RFX7: variants seen among roughly 807,000 people sequenced by gnomAD.
RFX7 encodes regulatory factor X7, also known as DNA-binding protein RFX7.
In RFX7, 26 loss-of-function variants were observed where a neutral mutation model predicts 111.8. That is an observed-to-expected ratio of 0.23 (90% CI 0.17 to 0.32). The LOEUF is 0.32. Ranked by LOEUF, RFX7 falls within the 10% of genes least tolerant of loss-of-function variation. RFX7 has a pLI of 1.00. For synonymous variants in RFX7, 624 were observed against 624.4 expected (o/e 1.00, Z 0.01); for missense variants, 1,573 against 1,772.9 (o/e 0.89, Z 2.02).
chr15:56,111,661 C>CAAAAAAAAAAAAAAAAAAAAAACCAA (rs371681721), intron 5 of RFX7, among the ~76,000 whole-genome samples: 1 of 95,576 alleles, frequency 1.0e-5, no homozygotes, highest in Non-Finnish European at 2.0e-5. Context: ...ATAAATAAAC[C>CAAAAAAAAAAAAAAAAAAAAAACCAA]AAAAAAAAAA....
rs11637789 is a variant in RFX7 at position 56,179,251 on chromosome 15, T to G, written c.195+19A>C. On this transcript the variant is annotated intron_variant, in intron 3 of 9. Transcript: ENST00000559447. ...AAACCTTATTGCAAAAGGATTTTAATATTAGTTATTTCACTTACCAAAATG... is the reference window on the plus strand; with the variant it reads ...AAACCTTATTGCAAAAGGATTTTAAGATTAGTTATTTCACTTACCAAAATG... 0.22 allele frequency: 258,228 copies of G among 1,196,338 alleles called. 29,734 individuals carry two copies. Among genetic ancestry groups the G allele is most frequent in the East Asian group, 0.43 (8,365 of 19,240 alleles). 74.1% of individuals were successfully genotyped at this position (1,196,338 alleles called of 1,614,324 possible).
rs2041613429 is a variant in RFX7 at position 56,092,784 on chromosome 15, C to T, written c.*561G>A. On this transcript the variant is annotated 3_prime_UTR_variant, in exon 10 of 10. Coordinates refer to ENST00000559447, the MANE Select transcript of RFX7 (RefSeq NM_022841.7). ...AATTTTCCATTATTTTCTATTTAAG[C>T]CCTTCATCGTGGGTGTAAATGGTAC... 6.6e-6 allele frequency: 1 copy of T among 152,466 alleles called. No homozygotes were observed. The highest frequency in any genetic ancestry group is 2.4e-5 in the African/African-American group (1 of 41,376). 9.4% of individuals were successfully genotyped at this position (152,466 alleles called of 1,614,324 possible).
intron 2 of RFX7, among the ~76,000 whole-genome samples, chr15:56,234,622 G>A (rs2043602782): frequency 6.6e-6 from 1 of 152,144 alleles, no homozygotes; most frequent in Admixed American, 6.5e-5. Flanking sequence ...CAGGTTCCCA[G>A]AAGCACCAAC....
At chr15:56,200,715 C>G (rs1474142143) in intron 2 of RFX7, among the ~76,000 whole-genome samples, 1 of 151,930 alleles carries the variant, frequency 6.6e-6, no homozygotes, top group Non-Finnish European at 1.5e-5. Flanking sequence ...AGGAGAAATG[C>G]TTGAATGAGG....
intron 2 of RFX7, among the ~76,000 whole-genome samples, chr15:56,190,795 T>C (rs1190704522): frequency 1.3e-5 from 2 of 151,758 alleles, no homozygotes; most frequent in Non-Finnish European, 2.9e-5. Context: ...TGGAAAAAAC[T>C]CTCTAATATG....
chr15:56,243,041 C>CG, intron 2 of RFX7, 84 bp downstream of exon 2: 12 of 596,586 alleles, frequency 2.0e-5, no homozygotes, highest in Non-Finnish European at 2.9e-5. Context: ...TCCTCCTCCG[C>CG]TCCCCCCGCC....
chr15:56,105,835 A>C (rs1156442166), intron 5 of RFX7, among the ~76,000 whole-genome samples: 1 of 152,190 alleles, frequency 6.6e-6, no homozygotes, highest in Non-Finnish European at 1.5e-5. Context: ...GAATGAAGGA[A>C]AGGCTCATGT....
At position 56,087,367 on chromosome 15, in the gene RFX7, C is replaced by G. The variant is rs2041540091; in HGVS notation, c.*5978G>C. 1 of 454,804 alleles carries G rather than the reference C, an allele frequency of 2.2e-6. No individual in the cohort carries two copies. The highest frequency in any genetic ancestry group is 2.4e-5 in the Admixed American group (1 of 42,498). 28.2% of individuals were successfully genotyped at this position (454,804 alleles called of 1,614,324 possible). A position where few individuals can be genotyped will look rare whatever the true frequency, so the allele number is the denominator to read the frequency against. ...CAGGACTAGTTGGGCATCTTCCCTT[C>G]CAAAGTCATCATGCCCTGGGCTCCT... is the stretch of plus-strand genomic sequence containing the variant. On this transcript the variant is annotated 3_prime_UTR_variant, in exon 10 of 10. Coordinates refer to ENST00000559447, the MANE Select transcript of RFX7 (RefSeq NM_022841.7).
rs924673778 is a variant in RFX7 at position 56,102,219 on chromosome 15, C to T, written c.553G>A (p.Val185Ile). 6.2e-7 allele frequency: 1 copy of T among 1,612,594 alleles called. No individual in the cohort carries two copies. Among genetic ancestry groups the T allele is most frequent in the African/African-American group, 1.3e-5 (1 of 74,974 alleles). Residue 185 changes from valine to isoleucine, a missense_variant, in exon 7 of 10, where the codon GTT becomes ATT. Around this residue, in one of 7 missense-constraint regions of RFX7, gnomAD observed 288 missense variants for 337.9 expected, o/e 0.85. Coordinates refer to ENST00000559447, the MANE Select transcript of RFX7 (RefSeq NM_022841.7). Reference protein sequence around the residue: ...CYSGLRKKAFVHMPTLPNLDF... With the variant: ...CYSGLRKKAFIHMPTLPNLDF... ...AGGTTGGGCAGTGTTGGCATATGAA[C>T]AAAAGCTTTTTTTCTTAGTCCACTG...
rs1206544062 is a variant in RFX7, at chr15:56,090,450, A to G, written c.*2895T>C. On this transcript the variant is annotated 3_prime_UTR_variant, in exon 10 of 10. Transcript: ENST00000559447. ...TTATTCACTCCCTAAAGTTAATGACATCAAAGGAAGAATAACATTGGGTCT... is the reference window on the plus strand; with the variant it reads ...TTATTCACTCCCTAAAGTTAATGACGTCAAAGGAAGAATAACATTGGGTCT... 6.6e-6 allele frequency: 1 copy of G among 152,536 alleles called. No homozygotes were observed. The highest frequency in any genetic ancestry group is 2.4e-5 in the African/African-American group (1 of 41,464). The allele number at this position is 152,536 out of a possible 1,614,324, so 9.4% of individuals were successfully genotyped here.
chr15:56,199,344 T>A (rs2043173208), intron 2 of RFX7, among the ~76,000 whole-genome samples: 1 of 152,184 alleles, frequency 6.6e-6, no homozygotes, highest in Non-Finnish European at 1.5e-5. Context: ...CGTATAGGTA[T>A]CTTTCCTTAC....
chr15:56,094,359 A>G lies in RFX7; in HGVS notation c.3369T>C (p.Pro1123=). 1 of 1,613,986 alleles carries G rather than the reference A, an allele frequency of 6.2e-7. No individual in the cohort carries two copies. The highest frequency in any genetic ancestry group is 1.1e-5 in the South Asian group (1 of 91,070). The part of the protein sequence containing the change: ...HHDTHFGRLT[P]VSPVQHQGAT... ...CACCTTGATGCTGCACAGGAGAGAC[A>G]GGAGTCAAACGACCAAAATGAGTGT... is the stretch of plus-strand genomic sequence containing the variant. Residue 1123 remains proline, a synonymous_variant, in exon 10 of 10, where the codon CCT becomes CCC. Transcript: ENST00000559447.
chr15:56,231,684 A>ACAGTCC (rs2141232124), intron 2 of RFX7, among the ~76,000 whole-genome samples: 1 of 152,252 alleles, frequency 6.6e-6, no homozygotes, highest in African/African-American at 2.4e-5. Flanking sequence ...TGCCTTCCCA[A>ACAGTCC]CAGTCCCTCA....
intron 3 of RFX7, among the ~76,000 whole-genome samples, chr15:56,164,092 A>G (rs2042755793): frequency 6.6e-6 from 1 of 152,256 alleles, no homozygotes; most frequent in African/African-American, 2.4e-5. Flanking sequence ...ACTTAGGTTC[A>G]ACTGCTGTCA....
chr15:56,141,680 TA>T (rs2042400589), intron 5 of RFX7, among the ~76,000 whole-genome samples: 1 of 141,554 alleles, frequency 7.1e-6, no homozygotes, highest in African/African-American at 2.8e-5. Flanking sequence ...TATATATGCA[TA>T]TATGCTGAAT....
intron 7 of RFX7, 72 bp downstream of exon 7, chr15:56,102,097 T>G: frequency 2.7e-6 from 3 of 1,103,920 alleles, no homozygotes; most frequent in Middle Eastern, 2.0e-4. Flanking sequence ...AAATGAGACT[T>G]TGCAGGATGC....
At chr15:56,206,296 G>C (rs1352027460) in intron 2 of RFX7, among the ~76,000 whole-genome samples, 1 of 152,124 alleles carries the variant, frequency 6.6e-6, no homozygotes, top group Admixed American at 6.5e-5. Context: ...CAATATAAAT[G>C]AATCTTGAAG....
intron 3 of RFX7, among the ~76,000 whole-genome samples, chr15:56,173,926 T>C (rs1328523353): frequency 6.6e-6 from 1 of 152,024 alleles, no homozygotes; most frequent in African/African-American, 2.4e-5. Flanking sequence ...GATACTACAA[T>C]TAGCAGTCAA....
At chr15:56,101,611 A>G (rs755853972) in intron 7 of RFX7, 45 bp from the exon 8 acceptor site, 1 of 1,493,704 alleles carries the variant, frequency 6.7e-7, no homozygotes, top group Non-Finnish European at 9.3e-7. Context: ...AAGACCAGAG[A>G]AATTAAATTG....
Sources: gnomAD v4.1 joint callset for allele counts (sites outside exome capture counted in the v4.1 genomes callset) on GRCh38, gnomAD v4.1.1 for gene constraint, gnomAD v4.1.1 regional missense constraint, MANE v1.5 for transcripts, NCBI Gene and HGNC (gene_info 2026-07-23, HGNC 2026-07-21) for gene names.